COBL: variants seen among roughly 807,000 people sequenced by gnomAD.
The protein encoded by COBL is protein cordon-bleu.
COBL carries 51 observed loss-of-function variants against 98.8 expected under a neutral mutation model. The ratio of observed to expected loss-of-function variants is 0.52; its 90% confidence interval spans 0.41 to 0.65. The LOEUF (loss-of-function observed/expected upper bound fraction) is 0.65, where lower values mean the gene tolerates loss of function less well. Among genes scored for constraint, COBL ranks in the 30% least tolerant of loss-of-function variants. The pLI is 0.00. For missense variants in COBL, 1,617 were observed against 1,617.5 expected (o/e 1.00, Z 0.01); for synonymous variants, 634 against 651.7 (o/e 0.97, Z 0.41).
chr7:51,214,549 A>C (rs998832898), intron 2 of COBL, among the ~76,000 whole-genome samples: 2 of 151,970 alleles, frequency 1.3e-5, no homozygotes, highest in African/African-American at 4.8e-5. Context: ...TTTTTGGCCT[A>C]CATCTTGGAG....
In COBL at chr7:51,173,586, A is replaced by G. The variant is rs183385348; in HGVS notation, c.783+10516T>C. Among the ~76,000 whole-genome samples, 594 of 152,296 alleles carry G rather than the reference A, an allele frequency of 3.9e-3. 2 individuals carry two copies. The highest frequency in any genetic ancestry group is 6.8e-3 in the Middle Eastern group (2 of 294). On this transcript the variant is annotated intron_variant, in intron 5 of 12. Coordinates refer to ENST00000265136, the MANE Select transcript of COBL (RefSeq NM_015198.5). ...TATGATCCAGAAAAGAAAAATGGTA[A>G]TATTTCTTTCTATTGTACCAAAATC...
chr7:51,091,601 T>C (rs140385260), intron 6 of COBL, among the ~76,000 whole-genome samples: 64 of 151,588 alleles, frequency 4.2e-4, no homozygotes, highest in African/African-American at 1.5e-3. Flanking sequence ...GGGCAGAGAG[T>C]TGATCTGGAG....
intron 6 of COBL, among the ~76,000 whole-genome samples, chr7:51,122,063 G>A (rs552209249): frequency 1.3e-5 from 2 of 152,114 alleles, no homozygotes; most frequent in Admixed American, 6.6e-5. Flanking sequence ...GGAGAGTGGC[G>A]AGCTCACCTT....
chr7:51,220,089 A>G (rs984574907), intron 1 of COBL, 145 bp from the exon 2 acceptor site: 27 of 672,220 alleles, frequency 4.0e-5, no homozygotes, highest in Middle Eastern at 4.2e-4. Context: ...TCCCCCAAAC[A>G]AGTAAAAACT....
chr7:51,228,880 A>G (rs1043721054), intron 1 of COBL, among the ~76,000 whole-genome samples: 1 of 152,128 alleles, frequency 6.6e-6, no homozygotes, highest in South Asian at 2.1e-4. Flanking sequence ...GAGTTACTAC[A>G]TTGTTCAATA....
rs368803216 is a variant in COBL, at chr7:51,036,461, T to C, written c.1407-5552A>G. ...AATGAAGTTTCAAGGTTCTAGGTGG[T>C]GCCAAATGTTTCTAAATGCTCCTGT... On this transcript the variant is annotated intron_variant, in intron 8 of 12. Coordinates refer to ENST00000265136, the MANE Select transcript of COBL (RefSeq NM_015198.5). 2.6e-5 allele frequency among the ~76,000 whole-genome samples: 4 copies of C among 151,776 alleles called. No homozygotes were observed. In the East Asian group the frequency reaches 5.9e-4, roughly 22 times the overall value.
chr7:51,309,232 G>T (rs889360347), intron 1 of COBL, among the ~76,000 whole-genome samples: 8 of 152,174 alleles, frequency 5.3e-5, no homozygotes, highest in Non-Finnish European at 1.0e-4. Flanking sequence ...AAAGGGACTT[G>T]TATGGCTGGC....
chr7:51,140,450 C>G (rs1326275238), intron 5 of COBL, among the ~76,000 whole-genome samples: 1 of 152,130 alleles, frequency 6.6e-6, no homozygotes, highest in East Asian at 1.9e-4. Context: ...AGTGCCAGCT[C>G]AAAATAAAAC....
At chr7:51,077,478 T>A (rs1793203720) in intron 7 of COBL, among the ~76,000 whole-genome samples, 1 of 152,212 alleles carries the variant, frequency 6.6e-6, no homozygotes, top group African/African-American at 2.4e-5. Flanking sequence ...AAATCTCAGT[T>A]CTATACAAGG....
chr7:51,224,462 C>A (rs984050228), intron 1 of COBL, among the ~76,000 whole-genome samples: 1 of 151,926 alleles, frequency 6.6e-6, no homozygotes, highest in African/African-American at 2.4e-5. Flanking sequence ...ACCCTAACAC[C>A]CTAGCCGAGG....
At chr7:51,090,205 GA>G (rs1239149336) in intron 6 of COBL, among the ~76,000 whole-genome samples, 2 of 152,162 alleles carry the variant, frequency 1.3e-5, no homozygotes, top group East Asian at 3.9e-4. Context: ...CTAGATAGCA[GA>G]AAAGGAAGCC....
chr7:51,299,430 T>C (rs1159208720), intron 1 of COBL, among the ~76,000 whole-genome samples: 1 of 152,254 alleles, frequency 6.6e-6, no homozygotes, highest in Non-Finnish European at 1.5e-5. Context: ...TCTGTCTCTC[T>C]TTCTTCCCAA....
chr7:51,207,905 G>A (rs1791928691), intron 2 of COBL, among the ~76,000 whole-genome samples: 1 of 151,394 alleles, frequency 6.6e-6, no homozygotes, highest in Non-Finnish European at 1.5e-5. Flanking sequence ...TCTGGGATGT[G>A]AGGAGCCCCT....
rs755984522 is a variant in COBL, at chr7:51,029,047, C to T, written c.2049G>A (p.Leu683=). 15 of 1,614,028 alleles carry T rather than the reference C, an allele frequency of 9.3e-6. No individual in the cohort carries two copies. The highest frequency in any genetic ancestry group is 9.3e-6 in the Non-Finnish European group (11 of 1,180,042). The change falls in exon 10 of 13, where the codon TTG becomes TTA. Residue 683 remains leucine, a synonymous_variant. Transcript: ENST00000265136. ...CTCGTTGGTGCCATGATGTTGGTGC[C>T]AAGGCAGCGTTTTTATCGTTGCTGT... The part of the protein sequence containing the change: ...EKDSNDKNAA[L]APTSWHQRGQ...
chr7:51,029,496 C>A lies in COBL; in HGVS notation c.1600G>T (p.Gly534Cys). 4 of 1,614,110 alleles carry A rather than the reference C, an allele frequency of 2.5e-6. 1 individual carries two copies. The highest frequency in any genetic ancestry group is 3.4e-6 in the Non-Finnish European group (4 of 1,180,014). ...HCPQDAMIPH[G>C]DTDAIPVTFI... The stretch of plus-strand genomic sequence containing the variant: ...GTTACTGGGATTGCATCTGTGTCGC[C>A]GTGAGGGATCATGGCATCCTGTGGG... Residue 534 changes from glycine to cysteine, a missense_variant, in exon 10 of 13, where the codon GGC becomes TGC. By Grantham distance (159) the Gly-to-Cys change is radical. Transcript: ENST00000265136.
At chr7:51,078,839 C>T (rs554548338) in intron 7 of COBL, among the ~76,000 whole-genome samples, 22 of 152,236 alleles carry the variant, frequency 1.4e-4, no homozygotes, top group Admixed American at 5.2e-4. Context: ...AGGGCCTCAG[C>T]GCCTCGCTGG....
chr7:51,297,780 A>G (rs1007640592), intron 1 of COBL, among the ~76,000 whole-genome samples: 7 of 152,208 alleles, frequency 4.6e-5, no homozygotes, highest in South Asian at 2.1e-4. Flanking sequence ...GCCAACCATC[A>G]GAAAGGTTTG....
Position 51,065,225 on chromosome 7 carries a change from TA to T in COBL, c.1096+19940del, listed in dbSNP as rs560998326. 1,509 of 703,426 alleles carry T rather than the reference TA, an allele frequency of 2.1e-3. 8 individuals are homozygous for T. The highest frequency in any genetic ancestry group is 3.4e-3 in the Non-Finnish European group (1,299 of 385,112). The allele number at this position is 703,426 out of a possible 1,614,324, so 43.6% of individuals were successfully genotyped here. A position where few individuals can be genotyped will look rare whatever the true frequency, so the allele number is the denominator to read the frequency against. On this transcript the variant is annotated intron_variant, in intron 7 of 12. Transcript: ENST00000265136. ...TTGTGTGTGTGTGCGTGTGTGTGTC[TA>T]AGTGTGCACATGCATTCACAAATGC... is the stretch of plus-strand genomic sequence containing the variant.
intron 8 of COBL, among the ~76,000 whole-genome samples, chr7:51,040,157 A>C (rs1789031091): frequency 6.6e-6 from 1 of 151,742 alleles, no homozygotes; most frequent in Non-Finnish European, 1.5e-5. Context: ...GAAATCTCTG[A>C]ATATGTCTAA....
Sources: allele counts gnomAD v4.1 joint callset (sites outside exome capture counted in the v4.1 genomes callset), GRCh38; gene constraint gnomAD v4.1.1; transcripts MANE v1.5; gene names NCBI Gene and HGNC (gene_info 2026-07-23, HGNC 2026-07-21).